DET1: variants seen among roughly 807,000 people sequenced by gnomAD.
DET1 encodes DET1 homolog.
In DET1, 22 loss-of-function variants were observed where a neutral mutation model predicts 43.7. The ratio of observed to expected loss-of-function variants is 0.50; its 90% CI spans 0.36 to 0.72. The LOEUF (loss-of-function observed/expected upper bound fraction) is 0.72. Ranked by LOEUF, DET1 falls within the 30% of genes least tolerant of loss-of-function variation. The pLI is 0.00. For missense variants in DET1, 713 were observed against 713.3 expected (o/e 1.00, Z 0.00); for synonymous variants, 315 against 266.2 (o/e 1.18, Z -1.79).
At chr15:88,522,512 GT>G (rs55764530) in intron 3 of DET1, among the ~76,000 whole-genome samples, 1,363 of 80,332 alleles carry the variant, frequency 0.017, 95 homozygotes, top group African/African-American at 0.061. Context: ...AATGTTCCTG[GT>G]TTTTTTTTTT....
At position 88,512,617 on chromosome 15, in the gene DET1, G is replaced by C; in HGVS notation, c.*334C>G. 1 of 1,050,814 alleles carries C rather than the reference G, an allele frequency of 9.5e-7. No individual in the cohort carries two copies. The highest frequency in any genetic ancestry group is 1.1e-6 in the Non-Finnish European group (1 of 872,442). 65.1% of individuals were successfully genotyped at this position (1,050,814 alleles called of 1,614,324 possible). A position where few individuals can be genotyped will look rare whatever the true frequency, so the allele number is the denominator to read the frequency against. ...TTCAGATGCAAACCATAATGCCGAAGAAGTGACATGAAGGGGATAAAAGTC... is the reference window on the plus strand; with the variant it reads ...TTCAGATGCAAACCATAATGCCGAACAAGTGACATGAAGGGGATAAAAGTC... On this transcript the variant is annotated 3_prime_UTR_variant, in exon 5 of 5. Transcript: ENST00000268148.
At chr15:88,533,553 T>G (rs2056871543) in intron 1 of DET1, among the ~76,000 whole-genome samples, 1 of 151,998 alleles carries the variant, frequency 6.6e-6, no homozygotes, top group African/African-American at 2.4e-5. Context: ...GATGGATGAG[T>G]GGATAAACAA....
At chr15:88,510,503 C>T (rs1415680044), downstream of DET1, among the ~76,000 whole-genome samples, 1 of 152,194 alleles carries the variant, frequency 6.6e-6, no homozygotes, top group East Asian at 1.9e-4. Flanking sequence ...ACATGTAACA[C>T]AACTTCTCCT....
In DET1 at chr15:88,512,910, A is replaced by G; in HGVS notation, c.*41T>C. ...GAGTCCACTGAGATAAGTGAGTGGC[A>G]AAGTCTTGGAAGACCAGATAATCTG... On this transcript the variant is annotated 3_prime_UTR_variant, in exon 5 of 5. Transcript: ENST00000268148. 6.2e-7 allele frequency: 1 copy of G among 1,601,460 alleles called. No homozygotes were observed. Among genetic ancestry groups the G allele is most frequent in the Non-Finnish European group, 8.5e-7 (1 of 1,170,746 alleles).
intron 1 of DET1, among the ~76,000 whole-genome samples, chr15:88,543,334 A>T (rs1195811215): frequency 6.6e-6 from 1 of 152,232 alleles, no homozygotes; most frequent in Non-Finnish European, 1.5e-5. Context: ...TAACCCTTAC[A>T]GCTCCTCATG....
chr15:88,537,823 C>T (rs2056992787), intron 1 of DET1, among the ~76,000 whole-genome samples: 1 of 152,208 alleles, frequency 6.6e-6, no homozygotes, highest in African/African-American at 2.4e-5. Flanking sequence ...CTTGCTGTAA[C>T]TTCTCAAGTT....
chr15:88,534,047 G>A (rs896010551), intron 1 of DET1, among the ~76,000 whole-genome samples: 3 of 151,970 alleles, frequency 2.0e-5, no homozygotes, highest in African/African-American at 4.8e-5. Flanking sequence ...ATTTCACAAT[G>A]TGAATATACT....
intron 2 of DET1, among the ~76,000 whole-genome samples, chr15:88,529,041 T>A (rs1663763717): frequency 6.6e-6 from 1 of 152,154 alleles, no homozygotes; most frequent in Non-Finnish European, 1.5e-5. Context: ...GGGTTTAGAG[T>A]TACAAACTGT....
chr15:88,523,621 GGCA>G (rs2142285479), intron 3 of DET1, among the ~76,000 whole-genome samples: 1 of 152,126 alleles, frequency 6.6e-6, no homozygotes, highest in Non-Finnish European at 1.5e-5. Flanking sequence ...TGTATTTTTT[GGCA>G]GAGACGGGGT....
Position 88,512,963 on chromosome 15 carries a change from G to C in DET1, c.1641C>G (p.His547Gln). Reference sequence around the variant, plus strand: ...TCTGGTGAGGCACCTACGTGCAGCAGTGTCGCATATGGAAGTTGACAACAT... The same window carrying C: ...TCTGGTGAGGCACCTACGTGCAGCACTGTCGCATATGGAAGTTGACAACAT... ...AEYVVNFHMR[H>Q]CCT Residue 547 changes from histidine (H) to glutamine (Q), a missense_variant, in exon 5 of 5, where the codon CAC (histidine) becomes CAG (glutamine). Coordinates refer to ENST00000268148, the MANE Select transcript of DET1 (RefSeq NM_001144074.3). 6.2e-7 allele frequency: 1 copy of C among 1,613,990 alleles called. No homozygotes were observed. Among genetic ancestry groups the C allele is most frequent in the Non-Finnish European group, 8.5e-7 (1 of 1,179,840 alleles).
At chr15:88,537,623 T>C (rs774463058) in intron 1 of DET1, among the ~76,000 whole-genome samples, 4 of 152,226 alleles carry the variant, frequency 2.6e-5, no homozygotes, top group Non-Finnish European at 4.4e-5. Context: ...TACTTATGTT[T>C]ATGGCCCTCA....
At chr15:88,519,993 T>C (rs1234580789) in intron 3 of DET1, among the ~76,000 whole-genome samples, 1 of 152,152 alleles carries the variant, frequency 6.6e-6, no homozygotes, top group African/African-American at 2.4e-5. Context: ...TAGCAGAAGA[T>C]AACTTTTTTA....
At chr15:88,535,282 T>C (rs2056918012) in intron 1 of DET1, among the ~76,000 whole-genome samples, 1 of 151,748 alleles carries the variant, frequency 6.6e-6, no homozygotes, top group African/African-American at 2.4e-5. Flanking sequence ...ATCAGAGAAA[T>C]GAGTCAGTCA....
chr15:88,512,625 A>G lies in DET1; in HGVS notation c.*326T>C. The G allele has an allele frequency of 1.9e-6, 2 of 1,067,836 alleles. No individual in the cohort carries two copies. The highest frequency in any genetic ancestry group is 2.3e-6 in the Non-Finnish European group (2 of 883,146). The allele number at this position is 1,067,836 out of a possible 1,614,324, so 66.1% of individuals were successfully genotyped here. ...CAAACCATAATGCCGAAGAAGTGAC[A>G]TGAAGGGGATAAAAGTCTAATGCTT... On this transcript the variant is annotated 3_prime_UTR_variant, in exon 5 of 5. Transcript: ENST00000268148.
intron 3 of DET1, 23 bp downstream of exon 3, chr15:88,527,576 T>C (rs774778893): frequency 1.4e-4 from 216 of 1,560,156 alleles, no homozygotes; most frequent in Middle Eastern, 1.2e-3. Flanking sequence ...GAAAAGACTG[T>C]TGAGTCTGGT....
intron 3 of DET1, among the ~76,000 whole-genome samples, chr15:88,521,140 T>A (rs2056479548): frequency 6.6e-6 from 1 of 152,184 alleles, no homozygotes; most frequent in African/African-American, 2.4e-5. Context: ...TGCCCCTCGC[T>A]CACTCCAGTC....
chr15:88,523,329 C>G (rs191721661), intron 3 of DET1, among the ~76,000 whole-genome samples: 15 of 152,178 alleles, frequency 9.9e-5, no homozygotes, highest in Non-Finnish European at 1.8e-4. Context: ...TTGATTTTTA[C>G]CAAAAGATTG....
At chr15:88,509,098 C>T (rs1372481005), downstream of DET1, among the ~76,000 whole-genome samples, 4 of 152,164 alleles carry the variant, frequency 2.6e-5, no homozygotes, top group Non-Finnish European at 5.9e-5. Context: ...TAAAGAAAGG[C>T]GAGTTCCCAC....
intron 1 of DET1, among the ~76,000 whole-genome samples, chr15:88,545,466 A>T (rs918220951): frequency 1.3e-5 from 2 of 152,192 alleles, no homozygotes; most frequent in Admixed American, 6.5e-5. Flanking sequence ...ATAGGCAACA[A>T]CAGGAACGAG....
Sources: gnomAD v4.1 joint callset for allele counts (sites outside exome capture counted in the v4.1 genomes callset) on GRCh38, gnomAD v4.1.1 for gene constraint, MANE v1.5 for transcripts, NCBI Gene and HGNC (gene_info 2026-07-23, HGNC 2026-07-21) for gene names.